NCKAP5: variants seen among roughly 807,000 people sequenced by gnomAD.
NCKAP5 encodes the protein NCK associated protein 5.
Under a neutral mutation model 167.0 loss-of-function variants are expected in NCKAP5, and 92 were observed. The ratio of observed to expected loss-of-function variants is 0.55; its 90% confidence interval spans 0.47 to 0.66. The LOEUF is 0.66. Ranked by LOEUF, NCKAP5 falls within the 30% of genes least tolerant of loss-of-function variation. The pLI is 0.00. For missense variants in NCKAP5, 2,378 were observed against 2,315.0 expected (o/e 1.03, Z -0.56); for synonymous variants, 891 against 877.4 (o/e 1.02, Z -0.27).
chr2:133,150,525 G>C (rs1329495472), intron 5 of NCKAP5, among the ~76,000 whole-genome samples: 1 of 152,092 alleles, frequency 6.6e-6, no homozygotes, highest in Non-Finnish European at 1.5e-5. Flanking sequence ...CTTTTCAAAG[G>C]AGCACTTTCT....
At chr2:133,388,106 G>A (rs987440683) in intron 3 of NCKAP5, among the ~76,000 whole-genome samples, 1 of 152,218 alleles carries the variant, frequency 6.6e-6, no homozygotes, top group African/African-American at 2.4e-5. Context: ...TCCTTTGGAG[G>A]AAGAGAGGTG....
chr2:132,794,894 C>A (rs1209919468), intron 12 of NCKAP5, among the ~76,000 whole-genome samples: 1 of 152,090 alleles, frequency 6.6e-6, no homozygotes, highest in Non-Finnish European at 1.5e-5. Context: ...ATTAGTAGAG[C>A]CCTTTCTCAG....
At position 133,252,779 on chromosome 2, in the gene NCKAP5, G is replaced by A. The variant is rs116366705; in HGVS notation, c.144-39000C>T. Among the ~76,000 whole-genome samples the A allele has an allele frequency of 8.3e-3, 1,263 of 152,210 alleles. 8 individuals are homozygous for A. Among genetic ancestry groups the A allele is most frequent in the Middle Eastern group, 0.017 (5 of 294 alleles). ...GCCAGCCAAAAATAGGGTCTACAAGGGTTCTAAAGTTATAGTGCATGATGC... is the reference window on the plus strand; with the variant it reads ...GCCAGCCAAAAATAGGGTCTACAAGAGTTCTAAAGTTATAGTGCATGATGC... On this transcript the variant is annotated intron_variant, in intron 4 of 19. Coordinates refer to ENST00000409261, the MANE Select transcript of NCKAP5 (RefSeq NM_207363.3).
chr2:133,518,841 G>A (rs1684245760), intron 2 of NCKAP5, among the ~76,000 whole-genome samples: 1 of 152,276 alleles, frequency 6.6e-6, no homozygotes. Flanking sequence ...TTTAAAAACA[G>A]TTAACCTGAA....
At chr2:133,627,291 C>T in the NCKAP5 span, among the ~76,000 whole-genome samples, 1 of 152,062 alleles carries the variant, frequency 6.6e-6, no homozygotes, top group African/African-American at 2.4e-5. Flanking sequence ...ATAGCTAATA[C>T]ACTTAAAATA....
chr2:133,446,086 A>T (rs1691176132), intron 3 of NCKAP5, among the ~76,000 whole-genome samples: 1 of 152,198 alleles, frequency 6.6e-6, no homozygotes, highest in South Asian at 2.1e-4. Context: ...GAACCAAACA[A>T]CTGCAGGAGA....
the NCKAP5 span, among the ~76,000 whole-genome samples, chr2:133,592,819 A>G: frequency 6.6e-6 from 1 of 152,110 alleles, no homozygotes; most frequent in Admixed American, 6.5e-5. Flanking sequence ...TCATTTTTCT[A>G]TTTTGTCTGA....
intron 6 of NCKAP5, among the ~76,000 whole-genome samples, chr2:132,998,423 A>C (rs2077672134): frequency 6.6e-6 from 1 of 152,160 alleles, no homozygotes; most frequent in Admixed American, 6.5e-5. Context: ...CTACTTTATG[A>C]TTAATCAAAA....
At chr2:133,561,409 A>G (rs1405155906) in intron 1 of NCKAP5, among the ~76,000 whole-genome samples, 1 of 152,264 alleles carries the variant, frequency 6.6e-6, no homozygotes, top group African/African-American at 2.4e-5. Context: ...GGAAAGAAAT[A>G]AATGTCATTT....
At chr2:133,248,527 G>T (rs937044796) in intron 4 of NCKAP5, among the ~76,000 whole-genome samples, 1 of 152,190 alleles carries the variant, frequency 6.6e-6, no homozygotes, top group Non-Finnish European at 1.5e-5. Context: ...GGTCCACTGG[G>T]AAAAAGGCAG....
intron 4 of NCKAP5, among the ~76,000 whole-genome samples, chr2:133,285,988 T>C (rs954825749): frequency 5.9e-5 from 9 of 151,826 alleles, no homozygotes; most frequent in African/African-American, 1.9e-4. Flanking sequence ...TTACTAATTC[T>C]TCTGTGACTT....
intron 5 of NCKAP5, among the ~76,000 whole-genome samples, chr2:133,186,884 T>C (rs1172332465): frequency 6.6e-6 from 1 of 152,012 alleles, no homozygotes; most frequent in Non-Finnish European, 1.5e-5. Context: ...CAATCTTGTT[T>C]ATTCTTTTGA....
intron 3 of NCKAP5, among the ~76,000 whole-genome samples, chr2:133,436,750 C>T (rs1440230803): frequency 1.3e-5 from 2 of 152,150 alleles, no homozygotes; most frequent in Non-Finnish European, 2.9e-5. Context: ...ATTCTCTGTA[C>T]ATTGAACATC....
chr2:132,897,456 G>C (rs148891080), intron 8 of NCKAP5, among the ~76,000 whole-genome samples: 52 of 152,326 alleles, frequency 3.4e-4, no homozygotes, highest in Admixed American at 1.1e-3. Flanking sequence ...GTACTTGAGT[G>C]TATTTAACAT....
chr2:133,466,868 G>A (rs549481801), intron 3 of NCKAP5, among the ~76,000 whole-genome samples: 45 of 152,314 alleles, frequency 3.0e-4, no homozygotes, highest in African/African-American at 1.0e-3. Context: ...TTTGTATGCT[G>A]AGACTTTGCT....
intron 3 of NCKAP5, among the ~76,000 whole-genome samples, chr2:133,370,793 A>G (rs1685759466): frequency 6.6e-6 from 1 of 151,820 alleles, no homozygotes. Context: ...TTTCCCCCAA[A>G]TATATCCTAT....
chr2:132,963,559 T>G (rs897554022), intron 8 of NCKAP5, among the ~76,000 whole-genome samples, 161 bp downstream of exon 8: 6 of 152,152 alleles, frequency 3.9e-5, no homozygotes, highest in Non-Finnish European at 8.8e-5. Context: ...CAGTGCTAAC[T>G]TTTTGCTCAT....
intron 19 of NCKAP5, among the ~76,000 whole-genome samples, chr2:132,715,269 C>T (rs970617655): frequency 6.6e-6 from 1 of 152,116 alleles, no homozygotes; most frequent in Non-Finnish European, 1.5e-5. Flanking sequence ...CCCCACCTAC[C>T]CCACTTCTTC....
At chr2:133,668,488 G>C in the NCKAP5 span, among the ~76,000 whole-genome samples, 1 of 151,888 alleles carries the variant, frequency 6.6e-6, no homozygotes, top group South Asian at 2.1e-4. Flanking sequence ...AATATTAGCG[G>C]GTGCAAAGTG....
Sources: allele counts gnomAD v4.1 joint callset (sites outside exome capture counted in the v4.1 genomes callset), GRCh38; gene constraint gnomAD v4.1.1; transcripts MANE v1.5; gene names NCBI Gene and HGNC (gene_info 2026-07-23, HGNC 2026-07-21).